ACAD10: variants seen among roughly 807,000 people sequenced by gnomAD.
ACAD10 encodes the protein acyl-CoA dehydrogenase family member 10.
Under a neutral mutation model 116.8 loss-of-function variants are expected in ACAD10, and 112 were observed. That is an observed-to-expected ratio of 0.96 (90% CI 0.82 to 1.12). The LOEUF (loss-of-function observed/expected upper bound fraction) is 1.12. Among genes scored for constraint, ACAD10 ranks in the 50% most tolerant of loss-of-function variants. ACAD10 has a pLI of 0.00. For synonymous variants in ACAD10, 486 were observed against 510.6 expected (o/e 0.95, Z 0.65); for missense variants, 1,259 against 1,350.2 (o/e 0.93, Z 1.06).
intron 12 of ACAD10, 69 bp from the exon 13 acceptor site, chr12:111,744,574 C>A: frequency 6.5e-7 from 1 of 1,538,142 alleles, no homozygotes; most frequent in Non-Finnish European, 8.8e-7. Context: ...GTGACAGTGT[C>A]ATCACATGTT....
In ACAD10 at chr12:111,727,989, G is replaced by A. The variant is rs1566157569; in HGVS notation, c.1089G>A (p.Met363Ile). The A allele has an allele frequency of 6.2e-7, 1 of 1,612,818 alleles. No homozygotes were observed. The highest frequency in any genetic ancestry group is 1.3e-5 in the African/African-American group (1 of 74,840). ...TCATTGGCACCCCCTTCTATGTGAT[G>A]GAGTACTGCCCAGGTCTCATCTACA... is the stretch of plus-strand genomic sequence containing the variant. ...SSVIGTPFYV[M>I]EYCPGLIYKD... Residue 363 changes from methionine (M) to isoleucine (I), a missense_variant, in exon 9 of 21, where the codon ATG (methionine) becomes ATA (isoleucine). By Grantham distance (10) the Met-to-Ile change is conservative (BLOSUM62 1). Transcript: ENST00000313698.
chr12:111,693,650 T>C (rs1209089666), intron 2 of ACAD10, among the ~76,000 whole-genome samples: 1 of 152,100 alleles, frequency 6.6e-6, no homozygotes, highest in Non-Finnish European at 1.5e-5. Flanking sequence ...CTTCCTCCCT[T>C]CTACCCCACT....
intron 4 of ACAD10, among the ~76,000 whole-genome samples, chr12:111,706,512 C>T (rs945046706): frequency 2.6e-5 from 4 of 152,016 alleles, no homozygotes; most frequent in Non-Finnish European, 5.9e-5. Context: ...TGCAGTGGCA[C>T]AATCTCAGCT....
chr12:111,730,020 A>G, intron 10 of ACAD10, 64 bp downstream of exon 10: 1 of 1,562,648 alleles, frequency 6.4e-7, no homozygotes, highest in Non-Finnish European at 8.7e-7. Flanking sequence ...GGAATTGAGC[A>G]ATTGGTCTTG....
rs953706075 is a variant in ACAD10, at chr12:111,715,981, G to A, written c.992+19G>A. On this transcript the variant is annotated intron_variant, in intron 7 of 20. Coordinates refer to ENST00000313698, the MANE Select transcript of ACAD10 (RefSeq NM_025247.6). ...AGTTCAGGTAAGTTTTCAGGGCCAGGGGAGCACTTGCCCACTAGCCTCCAC... is the reference window on the plus strand; with the variant it reads ...AGTTCAGGTAAGTTTTCAGGGCCAGAGGAGCACTTGCCCACTAGCCTCCAC... The A allele has an allele frequency of 2.5e-6, 4 of 1,613,758 alleles. No homozygotes were observed. The African/African-American group carries it at 5.3e-5, about 22-fold the overall frequency.
At chr12:111,743,692 T>C (rs1288054140) in intron 12 of ACAD10, among the ~76,000 whole-genome samples, 1 of 152,092 alleles carries the variant, frequency 6.6e-6, no homozygotes, top group Non-Finnish European at 1.5e-5. Flanking sequence ...TTGTTAAGAC[T>C]TGCAGAGTTC....
At position 111,733,985 on chromosome 12, in the gene ACAD10, T is replaced by C; in HGVS notation, c.1457T>C (p.Leu486Pro). 1 of 1,614,238 alleles carries C rather than the reference T, an allele frequency of 6.2e-7. No individual in the cohort carries two copies. Residue 486 changes from leucine to proline, a missense_variant, in exon 11 of 21, where the codon CTT becomes CCT. Physicochemically the swap from Leu to Pro is moderately conservative, Grantham distance 98. Transcript: ENST00000313698. ...GTGCTTGCTGTCCTTGACTGGGAACTTTCTACCTTGGGCGACCCCCTTGCT... is the reference window on the plus strand; with the variant it reads ...GTGCTTGCTGTCCTTGACTGGGAACCTTCTACCTTGGGCGACCCCCTTGCT... The part of the protein sequence containing the change: ...PEVLAVLDWE[L>P]STLGDPLADV...
At chr12:111,750,071 C>CA (rs1179048630) in intron 18 of ACAD10, among the ~76,000 whole-genome samples, 2 of 141,090 alleles carry the variant, frequency 1.4e-5, no homozygotes, top group African/African-American at 5.2e-5. Context: ...CCGTGCCCGG[C>CA]AAAAAAAAGA....
chr12:111,710,185 G>T, intron 5 of ACAD10: 1 of 400,528 alleles, frequency 2.5e-6, no homozygotes, highest in South Asian at 1.8e-5. Context: ...AACCTCCTGG[G>T]CTTAAGTGAT....
intron 6 of ACAD10, 31 bp downstream of exon 6, chr12:111,712,688 T>C (rs761762873): frequency 1.2e-6 from 2 of 1,609,152 alleles, no homozygotes; most frequent in Non-Finnish European, 1.7e-6. Context: ...TTTTGGTAGC[T>C]CTCTCCAAGG....
chr12:111,715,145 C>T (rs1350546624), intron 6 of ACAD10, among the ~76,000 whole-genome samples: 3 of 152,206 alleles, frequency 2.0e-5, no homozygotes, highest in Non-Finnish European at 4.4e-5. Flanking sequence ...ACAGCTGAGG[C>T]GCCCACTCTG....
At chr12:111,702,831 C>T (rs553765788) in intron 3 of ACAD10, among the ~76,000 whole-genome samples, 2 of 152,144 alleles carry the variant, frequency 1.3e-5, no homozygotes, top group East Asian at 3.9e-4. Flanking sequence ...TGGTGGCTAA[C>T]ACCTGTAACT....
chr12:111,737,809 C>T (rs1228796098), intron 12 of ACAD10, among the ~76,000 whole-genome samples: 4 of 151,550 alleles, frequency 2.6e-5, no homozygotes, highest in African/African-American at 7.3e-5. Context: ...TGACCATTTG[C>T]ATATTTAACA....
chr12:111,697,783 A>G (rs1265465650), intron 2 of ACAD10, among the ~76,000 whole-genome samples: 4 of 151,154 alleles, frequency 2.6e-5, no homozygotes, highest in Non-Finnish European at 5.9e-5. Context: ...GACAGGTTTC[A>G]CTGTGTTAGC....
In ACAD10 at chr12:111,721,724, T is replaced by G. The variant is rs1489845435; in HGVS notation, c.1046T>G (p.Leu349Arg). ...AGVPVPNVLDLCEDSSVIGTP... is the reference protein window; with the variant it reads ...AGVPVPNVLDRCEDSSVIGTP... ...GTACCTGTCCCTAACGTTCTTGATC[T>G]CTGTGAAGATTCAAGGTAAAGTTCA... The change falls in exon 8 of 21, where the codon CTC becomes CGC. Residue 349 changes from leucine to arginine, a missense_variant. By Grantham distance (102) the Leu-to-Arg change is moderately radical (BLOSUM62 -2). Transcript: ENST00000313698. The G allele has an allele frequency of 1.3e-6, 2 of 1,597,668 alleles. No homozygotes were observed. The highest frequency in any genetic ancestry group is 2.7e-5 in the African/African-American group (2 of 74,766).
intron 1 of ACAD10, among the ~76,000 whole-genome samples, chr12:111,692,369 G>T (rs767420048): frequency 6.6e-6 from 1 of 152,240 alleles, no homozygotes; most frequent in Non-Finnish European, 1.5e-5. Context: ...CCATGGGCAA[G>T]ATGGTGGCAG....
chr12:111,710,650 A>G (rs538805647), intron 5 of ACAD10, among the ~76,000 whole-genome samples: 2 of 151,912 alleles, frequency 1.3e-5, no homozygotes, highest in African/African-American at 4.8e-5. Context: ...GCACGCCACC[A>G]TGCCCGGTTA....
chr12:111,729,858 C>G lies in ACAD10; in HGVS notation c.1296C>G (p.Ser432=), dbSNP rs753278585. The change falls in exon 10 of 21, where the codon TCC becomes TCG. Residue 432 remains serine (S), a synonymous_variant. Transcript: ENST00000313698. ...CCTGGGTTAAGCAGTATCGAGCTTC[C>G]GAAACTAGCACCATCCCAGCCATGG... The part of the protein sequence containing the change: ...VRTWVKQYRA[S]ETSTIPAMER... 6.2e-7 allele frequency: 1 copy of G among 1,614,082 alleles called. No individual in the cohort carries two copies. Among genetic ancestry groups the G allele is most frequent in the South Asian group, 1.1e-5 (1 of 91,076 alleles).
intron 11 of ACAD10, among the ~76,000 whole-genome samples, 173 bp downstream of exon 11, chr12:111,734,241 A>G (rs950294781): frequency 1.3e-5 from 2 of 152,198 alleles, no homozygotes; most frequent in African/African-American, 4.8e-5. Flanking sequence ...GGGAAAGTGG[A>G]TATAGGATGT....
Sources: allele counts gnomAD v4.1 joint callset (sites outside exome capture counted in the v4.1 genomes callset), GRCh38; gene constraint gnomAD v4.1.1; transcripts MANE v1.5; gene names NCBI Gene and HGNC (gene_info 2026-07-23, HGNC 2026-07-21).